Variants in IGF2 observed in about 807,000 individuals in gnomAD.
The protein encoded by IGF2 is insulin like growth factor 2.
Under a neutral mutation model 12.0 loss-of-function variants are expected in IGF2, and 2 were observed. The ratio of observed to expected loss-of-function variants is 0.17; its 90% CI spans 0.07 to 0.52. The LOEUF (loss-of-function observed/expected upper bound fraction) is 0.52. IGF2 is among the 20% of genes least tolerant of loss of function. The pLI is 0.95. For missense variants in IGF2, 211 were observed against 268.0 expected (o/e 0.79, Z 1.48); for synonymous variants, 105 against 110.1 (o/e 0.95, Z 0.29).
At chr11:2,148,118 G>A in the IGF2 span, 1 of 297,804 alleles carries the variant, frequency 3.4e-6, no homozygotes, top group Non-Finnish European at 6.2e-6. This position sits in a 1 kb window ranked among gnomAD's most constrained non-coding sequence, Gnocchi z 4.3. Context: ...CTTCTGCCTG[G>A]CACTGGGGGT....
Position 2,139,104 on chromosome 11 carries a change from C to G in IGF2, c.-882G>C. ...CGCCGGCGGCCTGCGAGCCGGACTG[C>G]CTGCGGGGGGAACCGCCTCCTCGGG... On this transcript the variant is annotated 5_prime_UTR_variant, in exon 1 of 4. Coordinates refer to ENST00000416167, the MANE Select transcript of IGF2 (RefSeq NM_000612.6). 5.6e-6 allele frequency: 1 copy of G among 177,178 alleles called. No individual in the cohort carries two copies. Among genetic ancestry groups the G allele is most frequent in the Non-Finnish European group, 1.1e-5 (1 of 91,942 alleles). 11.0% of individuals were successfully genotyped at this position (177,178 alleles called of 1,614,324 possible). A position where few individuals can be genotyped will look rare whatever the true frequency, so the allele number is the denominator to read the frequency against.
At chr11:2,141,144 A>C (rs765524123), upstream of IGF2, 1 of 182,612 alleles carries the variant, frequency 5.5e-6, no homozygotes, top group Admixed American at 6.5e-5. Flanking sequence ...GCTAGAGAGA[A>C]ATTTCCCAAA....
the IGF2 span, chr11:2,146,397 G>T: frequency 1.9e-5 from 10 of 534,438 alleles, no homozygotes; most frequent in Non-Finnish European, 3.8e-5. Context: ...CACTCCCCTC[G>T]CTGGGGAAGG....
At position 2,130,637 on chromosome 11, in the gene IGF2, T is replaced by C. The variant is rs573004818; in HGVS notation, c.*2350A>G. 95 of 190,758 alleles carry C rather than the reference T, an allele frequency of 5.0e-4. No individual in the cohort carries two copies. Among genetic ancestry groups the C allele is most frequent in the African/African-American group, 2.4e-3 (90 of 37,594 alleles). The allele number at this position is 190,758 out of a possible 1,614,324, so 11.8% of individuals were successfully genotyped here. A position where few individuals can be genotyped will look rare whatever the true frequency, so the allele number is the denominator to read the frequency against. Reference sequence around the variant, plus strand: ...TGCCCCAAGAAACAAAGAGGGGGAATAGATCAATTGACATGAAATTTGGGG... The same window carrying C: ...TGCCCCAAGAAACAAAGAGGGGGAACAGATCAATTGACATGAAATTTGGGG... On this transcript the variant is annotated 3_prime_UTR_variant, in exon 4 of 4. Transcript: ENST00000416167.
upstream of IGF2, among the ~76,000 whole-genome samples, chr11:2,144,403 G>C (rs1859788525): frequency 6.6e-6 from 1 of 152,212 alleles, no homozygotes; most frequent in Non-Finnish European, 1.5e-5. Context: ...GGCCACCTCC[G>C]GCCTGCCCCG....
At position 2,129,696 on chromosome 11, in the gene IGF2, G is replaced by A. The variant is rs570499894; in HGVS notation, c.*3291C>T. The A allele has an allele frequency of 5.2e-5, 12 of 231,602 alleles. No individual in the cohort carries two copies. In the South Asian group the frequency reaches 1.8e-3, roughly 35 times the overall value. The allele number at this position is 231,602 out of a possible 1,614,324, so 14.3% of individuals were successfully genotyped here. ...CCGAGGGACCCTCTGCGACTGAGGC[G>A]GACTGGCATGGACGACCCCCGGGGT... On this transcript the variant is annotated 3_prime_UTR_variant, in exon 4 of 4. Coordinates refer to ENST00000416167, the MANE Select transcript of IGF2 (RefSeq NM_000612.6). The surrounding 1 kb of genome is among the most constrained non-coding windows in gnomAD (Gnocchi z 8.1).
chr11:2,140,859 C>T, upstream of IGF2: 1 of 350,320 alleles, frequency 2.9e-6, no homozygotes, highest in South Asian at 2.0e-5. Flanking sequence ...GAGCTCACCG[C>T]GAAGCTGGAG....
Position 2,131,495 on chromosome 11 carries a change from T to TGCTGTGA in IGF2, c.*1485_*1491dup. 1 of 232,514 alleles carries TGCTGTGA rather than the reference T, an allele frequency of 4.3e-6. No individual in the cohort carries two copies. The highest frequency in any genetic ancestry group is 8.5e-6 in the Non-Finnish European group (1 of 117,718). The allele number at this position is 232,514 out of a possible 1,614,324, so 14.4% of individuals were successfully genotyped here. ...GCAACGTGTGTGCTGCGTGTTTGTG[T>TGCTGTGA]GCTGTGAGCTGTGTTCATGTATGTG... is the stretch of plus-strand genomic sequence containing the variant. On this transcript the variant is annotated 3_prime_UTR_variant, in exon 4 of 4. Transcript: ENST00000416167.
At chr11:2,137,619 C>T (rs992105985) in intron 1 of IGF2, among the ~76,000 whole-genome samples, 3 of 152,082 alleles carry the variant, frequency 2.0e-5, no homozygotes, top group African/African-American at 4.8e-5. Flanking sequence ...GGGTCGAAGG[C>T]TCTGCCCTTC....
rs997575331 is a variant in IGF2, at chr11:2,131,401, T to C, written c.*1586A>G. 4.3e-6 allele frequency: 1 copy of C among 233,228 alleles called. No individual in the cohort carries two copies. Among genetic ancestry groups the C allele is most frequent in the African/African-American group, 2.2e-5 (1 of 45,308 alleles). The allele number at this position is 233,228 out of a possible 1,614,324, so 14.4% of individuals were successfully genotyped here. A position where few individuals can be genotyped will look rare whatever the true frequency, so the allele number is the denominator to read the frequency against. ...CGTAGTTGCTTAGATATGCTTATTG[T>C]TTTCATCCAATTTTGTGGGGGTGTG... On this transcript the variant is annotated 3_prime_UTR_variant, in exon 4 of 4. Transcript: ENST00000416167.
chr11:2,132,956 G>T lies in IGF2; in HGVS notation c.*31C>A. The T allele has an allele frequency of 7.2e-7, 1 of 1,397,904 alleles. No homozygotes were observed. The highest frequency in any genetic ancestry group is 9.7e-7 in the Non-Finnish European group (1 of 1,034,620). 86.6% of individuals were successfully genotyped at this position (1,397,904 alleles called of 1,614,324 possible). On this transcript the variant is annotated 3_prime_UTR_variant, in exon 4 of 4. Transcript: ENST00000416167. ...GTCAGGAGGAGGCTGCAGGATGGTG[G>T]CGCCGGGCTGCAGACTTGCGGCAGT...
At chr11:2,140,352 A>G, upstream of IGF2, 1 of 1,521,080 alleles carries the variant, frequency 6.6e-7, no homozygotes, top group Admixed American at 1.9e-5. Context: ...CAAGTCAAAA[A>G]CCACGCACAA....
chr11:2,149,134 T>C, the IGF2 span: 9 of 1,613,118 alleles, frequency 5.6e-6, no homozygotes, highest in Non-Finnish European at 6.8e-6. Context: ...ACCTGTACTC[T>C]AGTCCCTGCG....
the IGF2 span, chr11:2,146,698 G>C: frequency 3.6e-6 from 1 of 280,896 alleles, no homozygotes; most frequent in Non-Finnish European, 7.1e-6. Flanking sequence ...TATCTGGGAT[G>C]GGCAAATCAG....
rs1443392181 is a variant in IGF2, at chr11:2,130,423, T to G, written c.*2564A>C. The G allele has an allele frequency of 4.4e-6, 1 of 225,784 alleles. No homozygotes were observed. The highest frequency in any genetic ancestry group is 8.8e-6 in the Non-Finnish European group (1 of 113,898). 14.0% of individuals were successfully genotyped at this position (225,784 alleles called of 1,614,324 possible). A position where few individuals can be genotyped will look rare whatever the true frequency, so the allele number is the denominator to read the frequency against. ...ACTCAACCCAAGCAACAGGGACAGA[T>G]GAAAAACAAAATCCAATCAGGGCGA... is the stretch of plus-strand genomic sequence containing the variant. On this transcript the variant is annotated 3_prime_UTR_variant, in exon 4 of 4. Coordinates refer to ENST00000416167, the MANE Select transcript of IGF2 (RefSeq NM_000612.6).
At chr11:2,139,605 G>C (rs1859410829), upstream of IGF2, among the ~76,000 whole-genome samples, 1 of 148,760 alleles carries the variant, frequency 6.7e-6, no homozygotes, top group African/African-American at 2.4e-5. Flanking sequence ...GCAGGGGCTG[G>C]GGGGTGCGCG....
At chr11:2,138,072 G>GTCC (rs559348953) in intron 1 of IGF2, among the ~76,000 whole-genome samples, 157 bp downstream of exon 1, 40 of 149,896 alleles carry the variant, frequency 2.7e-4, no homozygotes, top group East Asian at 5.9e-4. Flanking sequence ...GCAGCCGTCC[G>GTCC]TCCTCCTCCT....
chr11:2,129,699 C>T lies in IGF2; in HGVS notation c.*3288G>A, dbSNP rs567572190. 10 of 231,796 alleles carry T rather than the reference C, an allele frequency of 4.3e-5. No individual in the cohort carries two copies. The East Asian group carries it at 6.1e-4, about 14-fold the overall frequency. The allele number at this position is 231,796 out of a possible 1,614,324, so 14.4% of individuals were successfully genotyped here. ...AGGGACCCTCTGCGACTGAGGCGGA[C>T]TGGCATGGACGACCCCCGGGGTCAT... On this transcript the variant is annotated 3_prime_UTR_variant, in exon 4 of 4. Coordinates refer to ENST00000416167, the MANE Select transcript of IGF2 (RefSeq NM_000612.6). This position sits in a 1 kb window ranked among gnomAD's most constrained non-coding sequence, Gnocchi z 8.1.
Position 2,131,702 on chromosome 11 carries a change from CTG to C in IGF2, c.*1283_*1284del, listed in dbSNP as rs1179421653. The C allele has an allele frequency of 1.3e-4, 22 of 174,864 alleles. No individual in the cohort carries two copies. Among genetic ancestry groups the C allele is most frequent in the Middle Eastern group, 4.6e-3 (2 of 432 alleles). 10.8% of individuals were successfully genotyped at this position (174,864 alleles called of 1,614,324 possible). On this transcript the variant is annotated 3_prime_UTR_variant, in exon 4 of 4. Coordinates refer to ENST00000416167, the MANE Select transcript of IGF2 (RefSeq NM_000612.6). The stretch of plus-strand genomic sequence containing the variant: ...TGTGTGTGCTGTGTTTGTGTGTGTG[CTG>C]TGTGTGCTGTGTTCGTGTGTGCTGT...
Sources: allele counts gnomAD v4.1 joint callset (sites outside exome capture counted in the v4.1 genomes callset), GRCh38; gene constraint gnomAD v4.1.1; non-coding constraint Gnocchi (gnomAD v3.1); transcripts MANE v1.5; gene names NCBI Gene and HGNC (gene_info 2026-07-23, HGNC 2026-07-21).